Variants in DSG3 observed in about 807,000 individuals in gnomAD.
DSG3 encodes desmoglein-3.
Under a neutral mutation model 85.9 loss-of-function variants are expected in DSG3, and 63 were observed. The observed-to-expected ratio is 0.73, with a 90% CI of 0.60 to 0.90. DSG3 has a LOEUF of 0.90. DSG3 is among the 40% of genes least tolerant of loss of function. DSG3 has a pLI of 0.00. For synonymous variants in DSG3, 447 were observed against 441.9 expected, an observed-to-expected ratio of 1.01 and a Z score of -0.14; for missense variants, 1,220 against 1,219.9, an observed-to-expected ratio of 1.00 and a Z score of 0.00.
In DSG3 at chr18:31,458,250, G is replaced by T. The variant is rs182205461; in HGVS notation, c.217-195G>T. 5.4e-3 allele frequency among the ~76,000 whole-genome samples: 822 copies of T among 152,226 alleles called. 5 individuals carry two copies. The highest frequency in any genetic ancestry group is 0.019 in the African/African-American group (775 of 41,534). ...CTAAAATGATTAGTGCACATCATTG[G>T]TTCAGGCTGGTTGTCAAAAACAACG... On this transcript the variant is annotated intron_variant, in intron 3 of 15. Transcript: ENST00000257189.
In DSG3 at chr18:31,457,039, A is replaced by G; in HGVS notation, c.131A>G (p.Lys44Arg). 1 of 1,613,530 alleles carries G rather than the reference A, an allele frequency of 6.2e-7. No individual in the cohort carries two copies. The highest frequency in any genetic ancestry group is 1.3e-5 in the African/African-American group (1 of 75,060). Reference sequence around the variant, plus strand: ...GAAGAGATGACTATGCAACAAGCTAAAAGAAGGCAAAAACGTGAATGGGTG... The same window carrying G: ...GAAGAGATGACTATGCAACAAGCTAGAAGAAGGCAAAAACGTGAATGGGTG... ...DEEEMTMQQA[K>R]RRQKREWVKF... The change falls in exon 3 of 16, where the codon AAA becomes AGA. Residue 44 changes from lysine (K) to arginine (R), a missense_variant. Physicochemically the swap from Lys to Arg is conservative, Grantham distance 26. Coordinates refer to ENST00000257189, the MANE Select transcript of DSG3 (RefSeq NM_001944.3).
intron 3 of DSG3, among the ~76,000 whole-genome samples, chr18:31,457,714 T>G (rs12963097): frequency 6.6e-6 from 1 of 151,260 alleles, no homozygotes; most frequent in African/African-American, 2.4e-5. Flanking sequence ...TGCAACCTCC[T>G]CCTCCCAGGT....
chr18:31,452,990 A>C (rs1445643718), intron 1 of DSG3, among the ~76,000 whole-genome samples: 2 of 152,222 alleles, frequency 1.3e-5, no homozygotes, highest in African/African-American at 4.8e-5. Flanking sequence ...AATTCTTCAC[A>C]ATTAAATAAT....
In DSG3 at chr18:31,476,013, C is replaced by T. The variant is rs1555668168; in HGVS notation, c.2753C>T (p.Pro918Leu). ...TTGTCCACCTCTGGGTCTGTCCAGC[C>T]AGCTGTTTCCATCCCTGACCCTCTG... ...SALSTSGSVQ[P>L]AVSIPDPLQH... Residue 918 changes from proline (P) to leucine (L), a missense_variant, in exon 16 of 16, where the codon CCA (proline) becomes CTA (leucine). By Grantham distance (98) the Pro-to-Leu change is moderately conservative. Transcript: ENST00000257189. 2 of 1,614,204 alleles carry T rather than the reference C, an allele frequency of 1.2e-6. No individual in the cohort carries two copies. Among genetic ancestry groups the T allele is most frequent in the South Asian group, 2.2e-5 (2 of 91,080 alleles).
chr18:31,465,372 T>G lies in DSG3; in HGVS notation c.1326T>G (p.Ala442=), dbSNP rs769630347. 1.9e-6 allele frequency: 3 copies of G among 1,546,434 alleles called. No homozygotes were observed. Among genetic ancestry groups the G allele is most frequent in the East Asian group, 2.4e-5 (1 of 41,726 alleles). Residue 442 remains alanine, a synonymous_variant, in exon 10 of 16, where the codon GCT becomes GCG. Transcript: ENST00000257189. ...ACCTAATGATTGATTCAAAAACTGC[T>G]GAAATCAAATTTGTCAAAAATATGA... The part of the protein sequence containing the change: ...GGYLMIDSKT[A]EIKFVKNMNR...
chr18:31,454,647 T>C (rs1431935709), intron 1 of DSG3, among the ~76,000 whole-genome samples: 1 of 151,940 alleles, frequency 6.6e-6, no homozygotes, highest in Admixed American at 6.6e-5. Context: ...TTGACTGTCA[T>C]ATAATTTTCT....
intron 1 of DSG3, among the ~76,000 whole-genome samples, chr18:31,452,502 A>T (rs1294431780): frequency 2.5e-5 from 3 of 120,946 alleles, no homozygotes; most frequent in Non-Finnish European, 4.8e-5. Flanking sequence ...CTTGTGACAG[A>T]GCGAGACTCC....
At chr18:31,472,550 G>C in intron 13 of DSG3, 127 bp downstream of exon 13, 1 of 1,294,950 alleles carries the variant, frequency 7.7e-7, no homozygotes, top group Non-Finnish European at 1.1e-6. Flanking sequence ...TGAATAGATG[G>C]AGGCTTTTAG....
At position 31,466,561 on chromosome 18, in the gene DSG3, A is replaced by G. The variant is rs1305585907; in HGVS notation, c.1443A>G (p.Val481=). The stretch of plus-strand genomic sequence containing the variant: ...CGGGTAAAACTTCTACAGGCACGGT[A>G]TATGTTAGAGTACCCGATTTCAATG... ...EYTGKTSTGT[V]YVRVPDFNDN... The change falls in exon 11 of 16, where the codon GTA becomes GTG. Residue 481 remains valine, a synonymous_variant. Coordinates refer to ENST00000257189, the MANE Select transcript of DSG3 (RefSeq NM_001944.3). The G allele has an allele frequency of 6.2e-7, 1 of 1,614,220 alleles. No homozygotes were observed. The highest frequency in any genetic ancestry group is 1.7e-5 in the Admixed American group (1 of 60,032).
intron 5 of DSG3, 114 bp from the exon 6 acceptor site, chr18:31,459,731 A>G: frequency 3.8e-6 from 4 of 1,060,908 alleles, no homozygotes; most frequent in Non-Finnish European, 5.3e-6. Context: ...GAACATACAG[A>G]TGATTTTAGG....
chr18:31,464,490 G>C (rs1260226313), intron 9 of DSG3, 108 bp downstream of exon 9: 5 of 1,235,290 alleles, frequency 4.0e-6, no homozygotes, highest in Non-Finnish European at 2.2e-6. Context: ...ATATGACATT[G>C]ATTAAAAACA....
At position 31,457,604 on chromosome 18, in the gene DSG3, CTTTCT is replaced by C. The variant is rs1568086532; in HGVS notation, c.216+483_216+487del. On this transcript the variant is annotated intron_variant, in intron 3 of 15. Coordinates refer to ENST00000257189, the MANE Select transcript of DSG3 (RefSeq NM_001944.3). ...TTCTTTCTTCTTTCTTTCTTTCTTT[CTTTCT>C]TTCTTTCTTTCTTTCTTTCTTTCTT... Among the ~76,000 whole-genome samples, 749 of 96,212 alleles carry C rather than the reference CTTTCT, an allele frequency of 7.8e-3. 7 individuals carry two copies. Among genetic ancestry groups the C allele is most frequent in the Middle Eastern group, 0.023 (5 of 222 alleles). The allele number at this position is 96,212 out of a possible 152,430, so 63.1% of individuals were successfully genotyped here.
At position 31,461,389 on chromosome 18, in the gene DSG3, G is replaced by A. The variant is rs2072785366; in HGVS notation, c.976G>A (p.Glu326Lys). ...AATACAAACTGATCCTAGAACTAAT[G>A]AAGGCATCCTGAAAGTGGTGAAGGT... ...FEIQTDPRTN[E>K]GILKVVKALD... The change falls in exon 8 of 16, where the codon GAA becomes AAA. Residue 326 changes from glutamate (E) to lysine (K), a missense_variant. By Grantham distance (56) the Glu-to-Lys change is moderately conservative. Transcript: ENST00000257189. The A allele has an allele frequency of 1.2e-6, 2 of 1,612,976 alleles. No homozygotes were observed. Among genetic ancestry groups the A allele is most frequent in the African/African-American group, 1.3e-5 (1 of 74,868 alleles).
At chr18:31,449,085 A>G (rs1270255323) in intron 1 of DSG3, among the ~76,000 whole-genome samples, 1 of 152,078 alleles carries the variant, frequency 6.6e-6, no homozygotes, top group Non-Finnish European at 1.5e-5. Context: ...GTTAGTAGAG[A>G]TGGGGTTTTG....
chr18:31,472,621 C>G (rs2072863015), intron 13 of DSG3, 104 bp from the exon 14 acceptor site: 2 of 1,334,330 alleles, frequency 1.5e-6, no homozygotes, highest in African/African-American at 1.5e-5. Context: ...ATTTGCACTT[C>G]TTGTAATGTT....
chr18:31,475,712 A>G lies in DSG3; in HGVS notation c.2452A>G (p.Asn818Asp). ...EANDCLLIYD[N>D]EGADATGSPV... Reference sequence around the variant, plus strand: ...AAATGACTGCTTGTTGATCTATGATAATGAAGGCGCAGATGCCACTGGTTC... The same window carrying G: ...AAATGACTGCTTGTTGATCTATGATGATGAAGGCGCAGATGCCACTGGTTC... Residue 818 changes from asparagine to aspartate, a missense_variant, in exon 16 of 16, where the codon AAT (asparagine) becomes GAT (aspartate). Coordinates refer to ENST00000257189, the MANE Select transcript of DSG3 (RefSeq NM_001944.3). 6.2e-7 allele frequency: 1 copy of G among 1,614,186 alleles called. No individual in the cohort carries two copies.
intron 10 of DSG3, 65 bp from the exon 11 acceptor site, chr18:31,466,465 G>A (rs2072818797): frequency 7.1e-7 from 1 of 1,407,106 alleles, no homozygotes; most frequent in African/African-American, 1.4e-5. Flanking sequence ...AAATGTAAAA[G>A]ATTCTCCTTT....
chr18:31,457,543 CTTTCTCTT>C (rs750158046), intron 3 of DSG3, among the ~76,000 whole-genome samples: 178 of 126,384 alleles, frequency 1.4e-3, no homozygotes, highest in African/African-American at 3.2e-3. Context: ...TTCTTTCTTT[CTTTCTCTT>C]TCTTTCTTTC....
chr18:31,472,847 TAAG>T (rs778146816), intron 14 of DSG3, 59 bp downstream of exon 14: 27 of 1,473,098 alleles, frequency 1.8e-5, no homozygotes, highest in Non-Finnish European at 2.5e-5. Context: ...TATTAAAAAA[TAAG>T]AAGTGTTCAA....
Sources: gnomAD v4.1 joint callset for allele counts (sites outside exome capture counted in the v4.1 genomes callset) on GRCh38, gnomAD v4.1.1 for gene constraint, MANE v1.5 for transcripts, NCBI Gene and HGNC (gene_info 2026-07-23, HGNC 2026-07-21) for gene names.